SPATA31H1: variants seen among roughly 807,000 people sequenced by gnomAD.
SPATA31H1 encodes the protein SPATA31 subfamily H member 1, also known as spermatogenesis-associated protein 31H1.
chr2:27,576,162 G>A, the SPATA31H1 span: 2 of 407,276 alleles, frequency 4.9e-6, no homozygotes, highest in Non-Finnish European at 8.7e-6. Context: ...CTTGCAAGGT[G>A]TAGAATCAGG....
chr2:27,559,621 A>G, the SPATA31H1 span, among the ~76,000 whole-genome samples: 5 of 151,906 alleles, frequency 3.3e-5, no homozygotes, highest in Admixed American at 3.3e-4. Context: ...TTCCCCTTCT[A>G]CTAGCTTGGA....
chr2:27,564,628 C>A, the SPATA31H1 span, among the ~76,000 whole-genome samples: 1 of 151,766 alleles, frequency 6.6e-6, no homozygotes, highest in Non-Finnish European at 1.5e-5. Flanking sequence ...ACCAGCCTGG[C>A]CAATGTGGCA....
chr2:27,562,396 T>C, the SPATA31H1 span, among the ~76,000 whole-genome samples: 1 of 151,550 alleles, frequency 6.6e-6, no homozygotes, highest in Non-Finnish European at 1.5e-5. Context: ...CATGCACCTG[T>C]AGTCCCAGCT....
the SPATA31H1 span, among the ~76,000 whole-genome samples, chr2:27,539,894 T>C: frequency 3.6e-4 from 33 of 92,350 alleles, no homozygotes; most frequent in Admixed American, 9.2e-4. Context: ...CCCTCCCGGA[T>C]GGGGCGGCTG....
chr2:27,552,750 T>G, the SPATA31H1 span, among the ~76,000 whole-genome samples: 3 of 152,062 alleles, frequency 2.0e-5, no homozygotes, highest in Non-Finnish European at 4.4e-5. Context: ...TTAGGTCTTC[T>G]TTAGTTTTTC....
At chr2:27,550,897 C>CT in the SPATA31H1 span, among the ~76,000 whole-genome samples, 5,970 of 147,078 alleles carry the variant, frequency 0.041, 159 homozygotes, top group Middle Eastern at 0.063. Context: ...TCTTTTTCTT[C>CT]TTTTTTTTTT....
the SPATA31H1 span, chr2:27,582,152 C>A: frequency 6.8e-6 from 11 of 1,613,682 alleles, no homozygotes; most frequent in Non-Finnish European, 9.3e-6. Flanking sequence ...TGGAAAGAAG[C>A]CGTTGCAGTC....
the SPATA31H1 span, among the ~76,000 whole-genome samples, chr2:27,547,767 A>C: frequency 6.6e-6 from 1 of 151,898 alleles, no homozygotes; most frequent in Admixed American, 6.6e-5. Flanking sequence ...TTTATTAAGA[A>C]AATTTTAAAC....
the SPATA31H1 span, among the ~76,000 whole-genome samples, chr2:27,563,385 C>CTTTTTTTTT: frequency 1.1e-3 from 78 of 68,730 alleles, 15 homozygotes; most frequent in African/African-American, 2.0e-3. Flanking sequence ...TCTTCTACTT[C>CTTTTTTTTT]TTTTTTTTTT....
chr2:27,565,902 CT>C, the SPATA31H1 span: 1 of 656,244 alleles, frequency 1.5e-6, no homozygotes, highest in South Asian at 1.8e-5. Context: ...TGGGTTAAGT[CT>C]GAGATCTACC....
the SPATA31H1 span, chr2:27,575,653 C>T: frequency 2.5e-6 from 1 of 398,456 alleles, no homozygotes; most frequent in Non-Finnish European, 4.4e-6. The surrounding 1 kb of genome is among the most constrained non-coding windows in gnomAD (Gnocchi z 4.1). Flanking sequence ...ATTCCAGAGC[C>T]ACCACATCAG....
the SPATA31H1 span, chr2:27,576,552 T>C: frequency 6.5e-7 from 1 of 1,529,806 alleles, no homozygotes; most frequent in South Asian, 1.3e-5. Context: ...ATCGAAGCCA[T>C]GCTTTCAAGA....
At chr2:27,577,338 C>G in the SPATA31H1 span, 1 of 1,614,088 alleles carries the variant, frequency 6.2e-7, no homozygotes, top group Non-Finnish European at 8.5e-7. This position sits in a 1 kb window ranked among gnomAD's most constrained non-coding sequence, Gnocchi z 4.5. Context: ...TATGAAGCCA[C>G]TGCAGCAAAC....
the SPATA31H1 span, chr2:27,578,040 A>C: frequency 6.2e-7 from 1 of 1,614,166 alleles, no homozygotes; most frequent in Non-Finnish European, 8.5e-7. Context: ...AGAATCTGCA[A>C]GGACACAGCT....
At chr2:27,547,126 G>A in the SPATA31H1 span, among the ~76,000 whole-genome samples, 1 of 151,084 alleles carries the variant, frequency 6.6e-6, no homozygotes, top group Non-Finnish European at 1.5e-5. Context: ...TTTCAATAAT[G>A]TAGCTTTGTA....
chr2:27,566,882 T>C, the SPATA31H1 span: 1 of 717,614 alleles, frequency 1.4e-6, no homozygotes, highest in African/African-American at 1.7e-5. Context: ...TCTCCTTTAG[T>C]TCATCATGCA....
chr2:27,542,581 GCGC>G, the SPATA31H1 span, among the ~76,000 whole-genome samples: 3 of 148,974 alleles, frequency 2.0e-5, no homozygotes, highest in African/African-American at 7.8e-5. Context: ...CTATAGGATA[GCGC>G]CAGCCTAGAC....
the SPATA31H1 span, among the ~76,000 whole-genome samples, chr2:27,544,455 T>A: frequency 2.0e-5 from 3 of 151,926 alleles, no homozygotes; most frequent in East Asian, 5.8e-4. Context: ...AGTAGAATCA[T>A]ACAGCATATA....
the SPATA31H1 span, chr2:27,576,521 C>T: frequency 3.0e-5 from 41 of 1,385,016 alleles, no homozygotes; most frequent in South Asian, 3.4e-4. Flanking sequence ...GGTCACAATG[C>T]GTTAAATCTG....
Sources: gnomAD v4.1 joint callset for allele counts (sites outside exome capture counted in the v4.1 genomes callset) on GRCh38, gnomAD v4.1.1 for gene constraint, Gnocchi (gnomAD v3.1) non-coding constraint, MANE v1.5 for transcripts, NCBI Gene and HGNC (gene_info 2026-07-23, HGNC 2026-07-21) for gene names.